THSD4: variants seen among roughly 807,000 people sequenced by gnomAD.
The protein encoded by THSD4 is thrombospondin type 1 domain containing 4.
Under a neutral mutation model 119.0 loss-of-function variants are expected in THSD4, and 69 were observed. That is an observed-to-expected ratio of 0.58 (90% CI 0.48 to 0.71). THSD4 has a LOEUF of 0.71. Among genes scored for constraint, THSD4 ranks in the 30% least tolerant of loss-of-function variants. THSD4 has a pLI of 0.00. For synonymous variants in THSD4, 524 were observed against 540.4 expected, an observed-to-expected ratio of 0.97 and a Z score of 0.42; for missense variants, 1,393 against 1,391.1, an observed-to-expected ratio of 1.00 and a Z score of -0.02.
At chr15:71,570,040 G>A (rs2140897729) in intron 7 of THSD4, among the ~76,000 whole-genome samples, 1 of 152,228 alleles carries the variant, frequency 6.6e-6, no homozygotes, top group South Asian at 2.1e-4. Context: ...ATTGAGTTAA[G>A]TAAGTTGGGG....
At chr15:71,164,283 C>T (rs1293555133) in intron 3 of THSD4, among the ~76,000 whole-genome samples, 1 of 151,548 alleles carries the variant, frequency 6.6e-6, no homozygotes, top group Non-Finnish European at 1.5e-5. Context: ...AGAAAAATTT[C>T]AGACCTATGA....
chr15:71,593,004 A>G (rs2049836376), intron 7 of THSD4, among the ~76,000 whole-genome samples: 1 of 152,182 alleles, frequency 6.6e-6, no homozygotes, highest in African/African-American at 2.4e-5. Context: ...GAAAATAGAG[A>G]TTTGAACCTC....
At position 71,748,495 on chromosome 15, in the gene THSD4, C is replaced by T. The variant is rs763718096; in HGVS notation, c.2316C>T (p.Asp772=). The T allele has an allele frequency of 6.2e-6, 10 of 1,614,022 alleles. No individual in the cohort carries two copies. The highest frequency in any genetic ancestry group is 4.4e-5 in the South Asian group (4 of 91,088). The change falls in exon 14 of 18, where the codon GAC becomes GAT. Residue 772 remains aspartate, a synonymous_variant. Transcript: ENST00000261862. ...KCVSNIGDVV[D]DEECNMKLRP... is the part of the protein sequence containing the mutation. Reference sequence around the variant, plus strand: ...TGAGCAACATTGGGGATGTGGTTGACGATGAGGAATGCAACATGAAGCTCC... The same window carrying T: ...TGAGCAACATTGGGGATGTGGTTGATGATGAGGAATGCAACATGAAGCTCC...
intron 6 of THSD4, among the ~76,000 whole-genome samples, chr15:71,315,451 C>A (rs2045173744): frequency 6.6e-6 from 1 of 152,220 alleles, no homozygotes; most frequent in Non-Finnish European, 1.5e-5. Flanking sequence ...TCCGTCTTCT[C>A]TACTCCACCA....
At chr15:71,254,979 G>A (rs2044298162) in intron 5 of THSD4, among the ~76,000 whole-genome samples, 1 of 152,202 alleles carries the variant, frequency 6.6e-6, no homozygotes, top group African/African-American at 2.4e-5. Context: ...CTGGGCATTT[G>A]TACCAGCAGC....
intron 7 of THSD4, among the ~76,000 whole-genome samples, chr15:71,578,368 A>C (rs995463195): frequency 6.6e-6 from 1 of 152,136 alleles, no homozygotes; most frequent in African/African-American, 2.4e-5. Flanking sequence ...GATGATGCTC[A>C]TTATGATGTC....
At chr15:71,421,340 T>G in intron 7 of THSD4, among the ~76,000 whole-genome samples, 1 of 57,980 alleles carries the variant, frequency 1.7e-5, no homozygotes. Flanking sequence ...TAGTATTTCT[T>G]GTAGGATAGG....
chr15:71,196,695 G>A (rs2043722532), intron 3 of THSD4, among the ~76,000 whole-genome samples: 1 of 152,160 alleles, frequency 6.6e-6, no homozygotes, highest in Non-Finnish European at 1.5e-5. Flanking sequence ...GCTATTGTCA[G>A]TCATATTCTC....
chr15:71,713,217 A>G (rs529679668), intron 8 of THSD4, among the ~76,000 whole-genome samples: 2 of 152,310 alleles, frequency 1.3e-5, no homozygotes, highest in East Asian at 3.9e-4. Flanking sequence ...ATTGGGCAGG[A>G]CAGCTACCAC....
chr15:71,188,526 C>T (rs1665795812), intron 3 of THSD4, among the ~76,000 whole-genome samples: 1 of 152,096 alleles, frequency 6.6e-6, no homozygotes, highest in South Asian at 2.1e-4. Flanking sequence ...TCAACTGGTC[C>T]TGGCGTAGGA....
intron 10 of THSD4, among the ~76,000 whole-genome samples, chr15:71,735,250 G>C (rs1337847282): frequency 1.3e-5 from 2 of 152,130 alleles, no homozygotes; most frequent in Non-Finnish European, 2.9e-5. Flanking sequence ...TCAGGTTAGG[G>C]CTCTGCTCCT....
rs1555459953 is a variant in THSD4, at chr15:71,277,128, C to CTTCTTCTTCTTTTTTTTTTTTTT, written c.1015+20415_1015+20416insCTTCTTCTTTTTTTTTTTTTTTT. ...TATTTGTATTTGAATTCTTCTTCTT[C>CTTCTTCTTCTTTTTTTTTTTTTT]TTTTTTTTTTTTTTGAAACGGAGTT... On this transcript the variant is annotated intron_variant, in intron 6 of 17. Coordinates refer to ENST00000261862, the MANE Select transcript of THSD4 (RefSeq NM_024817.3). Among the ~76,000 whole-genome samples the CTTCTTCTTCTTTTTTTTTTTTTT allele has an allele frequency of 4.4e-4, 54 of 122,986 alleles. 1 individual carries two copies. The South Asian group carries it at 0.013, about 30-fold the overall frequency. The allele number at this position is 122,986 out of a possible 152,430, so 80.7% of individuals were successfully genotyped here.
intron 1 of THSD4, among the ~76,000 whole-genome samples, chr15:71,120,448 C>T (rs2040399751): frequency 6.6e-6 from 1 of 152,218 alleles, no homozygotes; most frequent in Admixed American, 6.5e-5. Context: ...CAGGCATTGG[C>T]GCCCATTAGC....
At chr15:71,663,977 A>T (rs979606766) in intron 8 of THSD4, among the ~76,000 whole-genome samples, 6 of 151,820 alleles carry the variant, frequency 4.0e-5, no homozygotes, top group Non-Finnish European at 8.8e-5. Flanking sequence ...TGCTTTCAAG[A>T]TTCCAGAACT....
chr15:71,204,993 T>C (rs2043831896), intron 3 of THSD4, among the ~76,000 whole-genome samples: 1 of 152,144 alleles, frequency 6.6e-6, no homozygotes, highest in Admixed American at 6.5e-5. Context: ...CTTTTCTTTT[T>C]GAGTAGCCCA....
In THSD4 at chr15:71,256,451, G is replaced by A. The variant is rs376291516; in HGVS notation, c.913-162G>A. Reference sequence around the variant, plus strand: ...GATTGGGCCACTGCACTCCAGCCTGGGCGACAAGGGTGAGACTCCATCTCA... The same window carrying A: ...GATTGGGCCACTGCACTCCAGCCTGAGCGACAAGGGTGAGACTCCATCTCA... On this transcript the variant is annotated intron_variant, in intron 5 of 17. Transcript: ENST00000261862. Among the ~76,000 whole-genome samples the A allele has an allele frequency of 7.4e-4, 112 of 151,328 alleles. 1 individual carries two copies. Among genetic ancestry groups the A allele is most frequent in the African/African-American group, 2.5e-3 (103 of 41,228 alleles).
At chr15:71,371,236 T>G (rs887278734) in intron 6 of THSD4, among the ~76,000 whole-genome samples, 3 of 152,238 alleles carry the variant, frequency 2.0e-5, no homozygotes, top group African/African-American at 7.2e-5. Flanking sequence ...TTATCCAGTT[T>G]GCCAGTTTGT....
At chr15:71,637,638 G>A (rs561450152) in intron 7 of THSD4, among the ~76,000 whole-genome samples, 11 of 152,178 alleles carry the variant, frequency 7.2e-5, no homozygotes, top group Non-Finnish European at 1.6e-4. Flanking sequence ...CACTGTGGTC[G>A]CCAGGGGCTG....
chr15:71,568,568 CT>C (rs61430926), intron 7 of THSD4, among the ~76,000 whole-genome samples: 137 of 137,866 alleles, frequency 9.9e-4, no homozygotes, highest in East Asian at 4.9e-3. Flanking sequence ...CTCTTTTTCT[CT>C]TTTTTTTTTT....
Sources: gnomAD v4.1 joint callset for allele counts (sites outside exome capture counted in the v4.1 genomes callset) on GRCh38, gnomAD v4.1.1 for gene constraint, MANE v1.5 for transcripts, NCBI Gene and HGNC (gene_info 2026-07-23, HGNC 2026-07-21) for gene names.